TPTE: variants seen among roughly 807,000 people sequenced by gnomAD.
TPTE encodes the protein putative tyrosine-protein phosphatase TPTE.
Under a neutral mutation model 84.1 loss-of-function variants are expected in TPTE, and 59 were observed. That is an observed-to-expected ratio of 0.70 (90% CI 0.57 to 0.87). TPTE has a LOEUF of 0.87. Among genes scored for constraint, TPTE ranks in the 40% least tolerant of loss-of-function variants. The pLI, the probability that TPTE is intolerant of heterozygous loss-of-function variation, is 0.00. For missense variants in TPTE, 382 were observed against 659.6 expected, an observed-to-expected ratio of 0.58 and a Z score of 4.61; for synonymous variants, 130 against 223.5, an observed-to-expected ratio of 0.58 and a Z score of 3.73.
At chr21:10,529,487 C>T (rs1013058718) in intron 3 of TPTE, among the ~76,000 whole-genome samples, 1 of 152,312 alleles carries the variant, frequency 6.6e-6, no homozygotes, top group Non-Finnish European at 1.5e-5. Flanking sequence ...TCTAAAATCT[C>T]AGCATTCACT....
chr21:10,561,609 TGTCCTGTGTTTGAGGTG>T (rs1158344193), intron 10 of TPTE, among the ~76,000 whole-genome samples: 1 of 152,294 alleles, frequency 6.6e-6, no homozygotes, highest in African/African-American at 2.4e-5. Context: ...ACCCCCCCCA[TGTCCTGTGTTTGAGGTG>T]GCCATGGATT....
At chr21:10,573,523 C>A (rs535653395) in intron 14 of TPTE, among the ~76,000 whole-genome samples, 3 of 152,310 alleles carry the variant, frequency 2.0e-5, no homozygotes, top group Non-Finnish European at 4.4e-5. Context: ...TGTAGGGTGA[C>A]TACAGTTAAC....
intron 3 of TPTE, among the ~76,000 whole-genome samples, chr21:10,534,095 TGTTA>T (rs2074227094): frequency 6.6e-6 from 1 of 152,428 alleles, no homozygotes; most frequent in East Asian, 1.9e-4. Context: ...ATAATTGTGC[TGTTA>T]GTTTACACAC....
chr21:10,590,727 G>T (rs568094471), intron 18 of TPTE, among the ~76,000 whole-genome samples: 8 of 152,304 alleles, frequency 5.3e-5, no homozygotes, highest in Admixed American at 6.5e-5. Flanking sequence ...ATCTCTTTGG[G>T]CCAGGACTAG....
At chr21:10,566,845 C>T (rs1360803735) in intron 10 of TPTE, among the ~76,000 whole-genome samples, 7 of 152,414 alleles carry the variant, frequency 4.6e-5, no homozygotes, top group South Asian at 4.1e-4. Context: ...GGTGTGGTGC[C>T]GGGCACCTGT....
chr21:10,541,018 A>G lies in TPTE; in HGVS notation c.12-94A>G, dbSNP rs1181835910. The G allele has an allele frequency of 7.7e-6, 12 of 1,558,144 alleles. No individual in the cohort carries two copies. The East Asian group carries it at 1.1e-4, about 15-fold the overall frequency. On this transcript the variant is annotated intron_variant, in intron 4 of 23. Coordinates refer to ENST00000618007, the MANE Select transcript of TPTE (RefSeq NM_199261.4). ...ACATACATGTGAATAATAAAAGTGT[A>G]ACTGGGGAATGACACATAGACTAAC...
chr21:10,539,612 G>C (rs2074329923), intron 4 of TPTE, among the ~76,000 whole-genome samples: 1 of 152,312 alleles, frequency 6.6e-6, no homozygotes, highest in Non-Finnish European at 1.5e-5. Context: ...AGATAGATGT[G>C]CTGCAATCAT....
chr21:10,596,159 A>G (rs2075584951), intron 20 of TPTE, 72 bp downstream of exon 20: 8 of 1,581,574 alleles, frequency 5.1e-6, no homozygotes, highest in Admixed American at 3.4e-5. Flanking sequence ...GGTTTTGCTC[A>G]TAGTTGTATA....
intron 2 of TPTE, among the ~76,000 whole-genome samples, chr21:10,525,248 A>C (rs373352713): frequency 1.5e-3 from 225 of 152,362 alleles, no homozygotes; most frequent in Middle Eastern, 3.4e-3. Context: ...TGTTACAATT[A>C]TATGACATTT....
chr21:10,601,510 A>G (rs1281526186), intron 21 of TPTE, among the ~76,000 whole-genome samples: 3 of 152,256 alleles, frequency 2.0e-5, no homozygotes, highest in Non-Finnish European at 4.4e-5. Context: ...CAAAAAAAAA[A>G]GAAAAGAAAA....
Position 10,565,399 on chromosome 21 carries a change from A to G in TPTE, c.447-2271A>G, listed in dbSNP as rs546576126. Reference sequence around the variant, plus strand: ...AGGAGATTCCATGTTCATGGATTGGAAGAATCAATATTGTTAAAATGTCCA... The same window carrying G: ...AGGAGATTCCATGTTCATGGATTGGGAGAATCAATATTGTTAAAATGTCCA... On this transcript the variant is annotated intron_variant, in intron 10 of 23. Transcript: ENST00000618007. 8.5e-5 allele frequency among the ~76,000 whole-genome samples: 13 copies of G among 152,424 alleles called. No homozygotes were observed. In the South Asian group the frequency reaches 2.7e-3, roughly 32 times the overall value.
In TPTE at chr21:10,565,806, A is replaced by G. The variant is rs539454351; in HGVS notation, c.447-1864A>G. Among the ~76,000 whole-genome samples the G allele has an allele frequency of 9.2e-5, 14 of 152,414 alleles. No individual in the cohort carries two copies. In the South Asian group the frequency reaches 2.7e-3, roughly 29 times the overall value. ...TTCTGGGAAAACTGGATATACACAT[A>G]CAGAAGAATGCACCTAGACCCCTAC... is the stretch of plus-strand genomic sequence containing the variant. On this transcript the variant is annotated intron_variant, in intron 10 of 23. Coordinates refer to ENST00000618007, the MANE Select transcript of TPTE (RefSeq NM_199261.4).
chr21:10,573,864 C>T (rs569211738), intron 14 of TPTE, among the ~76,000 whole-genome samples: 10 of 152,410 alleles, frequency 6.6e-5, no homozygotes, highest in East Asian at 1.9e-4. Flanking sequence ...GTCCGAGGAG[C>T]GGCAACAAAA....
intron 9 of TPTE, among the ~76,000 whole-genome samples, chr21:10,559,925 T>G (rs2074761769): frequency 6.6e-6 from 1 of 151,800 alleles, no homozygotes. Flanking sequence ...CATATATATC[T>G]ATATATACAT....
At chr21:10,600,878 T>G (rs1391210279) in intron 21 of TPTE, among the ~76,000 whole-genome samples, 1 of 152,312 alleles carries the variant, frequency 6.6e-6, no homozygotes, top group Non-Finnish European at 1.5e-5. Context: ...ACTGGTCAAG[T>G]TCAAAGATCC....
At chr21:10,590,730 A>T (rs547871059) in intron 18 of TPTE, among the ~76,000 whole-genome samples, 1 of 152,430 alleles carries the variant, frequency 6.6e-6, no homozygotes, top group South Asian at 2.1e-4. Context: ...TCTTTGGGCC[A>T]GGACTAGAGT....
At chr21:10,535,797 C>T (rs1261551040) in intron 3 of TPTE, among the ~76,000 whole-genome samples, 1 of 152,306 alleles carries the variant, frequency 6.6e-6, no homozygotes, top group Non-Finnish European at 1.5e-5. Context: ...GCTGGTGCCC[C>T]AAACCCAAAC....
chr21:10,542,366 T>C (rs555104121), intron 5 of TPTE, 29 bp from the exon 6 acceptor site: 1 of 1,608,746 alleles, frequency 6.2e-7, no homozygotes, highest in East Asian at 2.2e-5. Flanking sequence ...ATGTCTCCTC[T>C]CTGACTGTTT....
chr21:10,555,171 A>G (rs1372061093), intron 8 of TPTE, among the ~76,000 whole-genome samples: 1 of 152,304 alleles, frequency 6.6e-6, no homozygotes, highest in Non-Finnish European at 1.5e-5. Context: ...TATTATTGGA[A>G]CTTTCAGTGT....
Sources: gnomAD v4.1 joint callset for allele counts (sites outside exome capture counted in the v4.1 genomes callset) on GRCh38, gnomAD v4.1.1 for gene constraint, MANE v1.5 for transcripts, NCBI Gene and HGNC (gene_info 2026-07-23, HGNC 2026-07-21) for gene names.